AFG2A: variants seen among roughly 807,000 people sequenced by gnomAD.
AFG2A encodes ATPase family gene 2 protein homolog A.
chr4:122,937,596 C>G, the AFG2A span, among the ~76,000 whole-genome samples: 1 of 152,148 alleles, frequency 6.6e-6, no homozygotes, highest in Non-Finnish European at 1.5e-5. Context: ...AATTTGAAAA[C>G]TAGTGGTACA....
At chr4:122,938,982 A>C in the AFG2A span, among the ~76,000 whole-genome samples, 1 of 152,044 alleles carries the variant, frequency 6.6e-6, no homozygotes, top group Admixed American at 6.6e-5. Flanking sequence ...TAGGGAAATG[A>C]AAGAAAGTGA....
chr4:123,060,187 C>G, the AFG2A span, among the ~76,000 whole-genome samples: 1 of 152,208 alleles, frequency 6.6e-6, no homozygotes, highest in African/African-American at 2.4e-5. Flanking sequence ...TGTTGAGTAT[C>G]TGCAGCAACA....
At chr4:123,057,599 A>G in the AFG2A span, among the ~76,000 whole-genome samples, 2 of 152,206 alleles carry the variant, frequency 1.3e-5, no homozygotes, top group African/African-American at 4.8e-5. Context: ...TTGTAAACAT[A>G]TAATTAAAAC....
the AFG2A span, among the ~76,000 whole-genome samples, chr4:123,202,612 A>C: frequency 6.6e-6 from 1 of 152,182 alleles, no homozygotes; most frequent in Non-Finnish European, 1.5e-5. Flanking sequence ...CAATATTATT[A>C]ATTAGACTAC....
the AFG2A span, among the ~76,000 whole-genome samples, chr4:123,077,502 C>T: frequency 6.6e-6 from 1 of 152,086 alleles, no homozygotes; most frequent in South Asian, 2.1e-4. Context: ...GCTCATGGGT[C>T]AGAAACGAAT....
chr4:123,299,634 G>A, the AFG2A span, among the ~76,000 whole-genome samples: 1 of 152,086 alleles, frequency 6.6e-6, no homozygotes. Context: ...ATGTCTGCTG[G>A]TCTCTTTCCA....
the AFG2A span, among the ~76,000 whole-genome samples, chr4:123,152,847 A>G: frequency 1.4e-4 from 22 of 152,368 alleles, no homozygotes; most frequent in South Asian, 4.6e-3. Flanking sequence ...GTTGGAAGCA[A>G]GGGATAGCTG....
At chr4:123,028,302 AG>A in the AFG2A span, 2 of 1,614,056 alleles carry the variant, frequency 1.2e-6, no homozygotes, top group South Asian at 2.2e-5. Flanking sequence ...AGCCACCTAA[AG>A]GAGTTCTTCT....
the AFG2A span, among the ~76,000 whole-genome samples, chr4:123,287,981 C>A: frequency 6.6e-6 from 1 of 152,178 alleles, no homozygotes; most frequent in East Asian, 1.9e-4. Flanking sequence ...CATTCAAGAA[C>A]AGCCAGGAAG....
chr4:123,002,531 C>T, the AFG2A span, among the ~76,000 whole-genome samples: 8 of 152,110 alleles, frequency 5.3e-5, no homozygotes, highest in Non-Finnish European at 1.0e-4. Context: ...ATTTGCTTGT[C>T]TGTAAAGTGT....
the AFG2A span, among the ~76,000 whole-genome samples, chr4:123,004,694 A>G: frequency 6.6e-6 from 1 of 152,164 alleles, no homozygotes; most frequent in Non-Finnish European, 1.5e-5. Context: ...TTTTCTTAGA[A>G]TGTTTTTGTC....
the AFG2A span, among the ~76,000 whole-genome samples, chr4:122,962,345 A>G: frequency 6.6e-6 from 1 of 151,970 alleles, no homozygotes; most frequent in South Asian, 2.1e-4. Context: ...TCATAAGGCA[A>G]TGAATTTTCT....
chr4:123,217,149 T>C, the AFG2A span, among the ~76,000 whole-genome samples: 1 of 152,140 alleles, frequency 6.6e-6, no homozygotes, highest in South Asian at 2.1e-4. Flanking sequence ...ACTTCCTCAT[T>C]TGTAAAAGGG....
At chr4:123,307,985 C>T in the AFG2A span, among the ~76,000 whole-genome samples, 1 of 152,198 alleles carries the variant, frequency 6.6e-6, no homozygotes, top group Non-Finnish European at 1.5e-5. Flanking sequence ...ATGCACTTCT[C>T]AGAACATATC....
At chr4:123,199,660 CG>C in the AFG2A span, among the ~76,000 whole-genome samples, 1 of 151,652 alleles carries the variant, frequency 6.6e-6, no homozygotes, top group Non-Finnish European at 1.5e-5. Flanking sequence ...TTAGTAGAGA[CG>C]GGGTTTCGCC....
the AFG2A span, among the ~76,000 whole-genome samples, chr4:123,278,681 T>G: frequency 6.6e-6 from 1 of 152,230 alleles, no homozygotes; most frequent in Admixed American, 6.5e-5. Flanking sequence ...TCAAAGAATT[T>G]CTTGATGTCT....
chr4:123,160,296 C>G, the AFG2A span, among the ~76,000 whole-genome samples: 1 of 152,034 alleles, frequency 6.6e-6, no homozygotes, highest in South Asian at 2.1e-4. Context: ...CAGACCTGCC[C>G]GTAGCCATCA....
At chr4:123,294,725 A>G in the AFG2A span, among the ~76,000 whole-genome samples, 1 of 152,230 alleles carries the variant, frequency 6.6e-6, no homozygotes, top group Non-Finnish European at 1.5e-5. Flanking sequence ...ACCCAACCTG[A>G]GCTAAAGATG....
the AFG2A span, among the ~76,000 whole-genome samples, chr4:122,965,746 A>T: frequency 6.6e-6 from 1 of 152,202 alleles, no homozygotes; most frequent in Admixed American, 6.5e-5. Context: ...TCCTTGATGT[A>T]CATGTGTCCA....
Sources: gnomAD v4.1 joint callset for allele counts (sites outside exome capture counted in the v4.1 genomes callset) on GRCh38, gnomAD v4.1.1 for gene constraint, MANE v1.5 for transcripts, NCBI Gene and HGNC (gene_info 2026-07-23, HGNC 2026-07-21) for gene names.